The following SLC22A25 variants were observed in gnomAD, a reference collection of about 807,000 sequenced individuals.
SLC22A25 encodes the protein solute carrier family 22 member 25.
SLC22A25 carries 44 observed loss-of-function variants against 45.9 expected under a neutral mutation model. The ratio of observed to expected loss-of-function variants is 0.96; its 90% CI spans 0.75 to 1.23. The LOEUF is 1.23. Among genes scored for constraint, SLC22A25 ranks in the 50% most tolerant of loss-of-function variants. The pLI is 0.00. For synonymous variants in SLC22A25, 283 were observed against 238.6 expected, an observed-to-expected ratio of 1.19 and a Z score of -1.72; for missense variants, 800 against 666.4, an observed-to-expected ratio of 1.20 and a Z score of -2.21.
At chr11:63,236,992 T>C (rs888726152) in intron 3 of SLC22A25, among the ~76,000 whole-genome samples, 3 of 152,228 alleles carry the variant, frequency 2.0e-5, no homozygotes, top group African/African-American at 7.2e-5. Context: ...TATCTGTCTT[T>C]CAGTTCTCAT....
At chr11:63,188,078 T>C (rs919387718) in intron 7 of SLC22A25, among the ~76,000 whole-genome samples, 1 of 152,196 alleles carries the variant, frequency 6.6e-6, no homozygotes, top group African/African-American at 2.4e-5. Context: ...TTAGGGAGGA[T>C]TCCCTTTTCT....
chr11:63,210,640 T>A (rs2089532716), intron 7 of SLC22A25, among the ~76,000 whole-genome samples: 1 of 152,098 alleles, frequency 6.6e-6, no homozygotes, highest in African/African-American at 2.4e-5. Flanking sequence ...CTGGGCTCCA[T>A]ATTTTTAGGC....
chr11:63,193,614 C>G (rs568192552), intron 7 of SLC22A25, among the ~76,000 whole-genome samples: 3 of 152,130 alleles, frequency 2.0e-5, no homozygotes, highest in African/African-American at 7.2e-5. Flanking sequence ...GGAATAGCAC[C>G]AACATCAACA....
intron 7 of SLC22A25, among the ~76,000 whole-genome samples, chr11:63,189,692 C>T (rs1376341779): frequency 1.3e-5 from 2 of 152,258 alleles, no homozygotes; most frequent in African/African-American, 2.4e-5. Flanking sequence ...CCGGTTGTTC[C>T]TTTCCATGTT....
At chr11:63,213,334 A>C (rs1222557751) in intron 7 of SLC22A25, among the ~76,000 whole-genome samples, 1 of 152,210 alleles carries the variant, frequency 6.6e-6, no homozygotes, top group East Asian at 1.9e-4. Context: ...GATGTAAAAA[A>C]AGCCCTTCTT....
intron 5 of SLC22A25, among the ~76,000 whole-genome samples, chr11:63,224,326 T>C (rs1395181290): frequency 1.3e-5 from 2 of 152,158 alleles, no homozygotes; most frequent in African/African-American, 4.8e-5. Context: ...TATGTGTGTA[T>C]AGATAAGATG....
chr11:63,172,087 G>A (rs1459936774), intron 9 of SLC22A25, among the ~76,000 whole-genome samples: 2 of 152,110 alleles, frequency 1.3e-5, no homozygotes, highest in Non-Finnish European at 2.9e-5. Flanking sequence ...AAACTGGCTA[G>A]CCATATGCAG....
intron 7 of SLC22A25, among the ~76,000 whole-genome samples, chr11:63,191,618 C>A (rs1002362406): frequency 1.3e-5 from 2 of 152,150 alleles, no homozygotes; most frequent in Admixed American, 6.6e-5. Flanking sequence ...ATGCAGAAAT[C>A]TCCTGTCTTC....
At chr11:63,222,012 T>A (rs2089864146) in intron 5 of SLC22A25, among the ~76,000 whole-genome samples, 2 of 152,112 alleles carry the variant, frequency 1.3e-5, no homozygotes, top group African/African-American at 2.4e-5. Flanking sequence ...TGCCAGTACA[T>A]CTTGTTTTGG....
At chr11:63,237,354 T>G (rs778371438) in intron 3 of SLC22A25, among the ~76,000 whole-genome samples, 2 of 152,142 alleles carry the variant, frequency 1.3e-5, no homozygotes, top group Non-Finnish European at 2.9e-5. Context: ...AAGAGGTGAA[T>G]AGGTTCATGT....
intron 9 of SLC22A25, among the ~76,000 whole-genome samples, chr11:63,168,634 A>G (rs1460658893): frequency 6.6e-6 from 1 of 152,206 alleles, no homozygotes; most frequent in East Asian, 1.9e-4. Flanking sequence ...AATAAAAGGA[A>G]CAAACCAAGC....
intron 5 of SLC22A25, among the ~76,000 whole-genome samples, chr11:63,228,025 C>A (rs2089996188): frequency 6.6e-6 from 1 of 152,198 alleles, no homozygotes. Flanking sequence ...GTGTTGTCAG[C>A]AATTCAAGAC....
chr11:63,222,946 G>C (rs551903679), intron 5 of SLC22A25, among the ~76,000 whole-genome samples: 6 of 151,394 alleles, frequency 4.0e-5, no homozygotes, highest in Non-Finnish European at 8.8e-5. Context: ...TTTGTATTTT[G>C]AACCATCTTT....
intron 3 of SLC22A25, among the ~76,000 whole-genome samples, chr11:63,236,800 AC>A (rs1385980988): frequency 6.6e-6 from 1 of 151,722 alleles, no homozygotes; most frequent in African/African-American, 2.4e-5. Flanking sequence ...TCTTGGCTCC[AC>A]CCCCTTCTTC....
chr11:63,188,785 G>A (rs1184866042), intron 7 of SLC22A25, among the ~76,000 whole-genome samples: 2 of 152,094 alleles, frequency 1.3e-5, no homozygotes, highest in South Asian at 2.1e-4. Flanking sequence ...CTTTATTTCT[G>A]CCTTCGTTTT....
chr11:63,218,732 G>A (rs1465174641), intron 5 of SLC22A25, among the ~76,000 whole-genome samples: 1 of 152,076 alleles, frequency 6.6e-6, no homozygotes, highest in Non-Finnish European at 1.5e-5. Flanking sequence ...ATTTTCAGGG[G>A]AGGGTTAAAA....
At chr11:63,196,123 C>A (rs1307431635) in intron 7 of SLC22A25, among the ~76,000 whole-genome samples, 3 of 152,010 alleles carry the variant, frequency 2.0e-5, no homozygotes, top group East Asian at 1.9e-4. Context: ...AGCCCTCCAA[C>A]CAAAAAAAGT....
intron 8 of SLC22A25, among the ~76,000 whole-genome samples, chr11:63,182,314 T>G (rs373564740): frequency 4.5e-4 from 69 of 152,144 alleles, no homozygotes; most frequent in African/African-American, 1.6e-3. Flanking sequence ...TTTGTAACAC[T>G]TAATTGTTGT....
intron 7 of SLC22A25, among the ~76,000 whole-genome samples, chr11:63,212,896 A>C (rs2089613906): frequency 6.6e-6 from 1 of 152,148 alleles, no homozygotes; most frequent in Non-Finnish European, 1.5e-5. Context: ...TGCTATTACA[A>C]TACATTGATG....
Sources: allele counts gnomAD v4.1 joint callset (sites outside exome capture counted in the v4.1 genomes callset), GRCh38; gene constraint gnomAD v4.1.1; transcripts MANE v1.5; gene names NCBI Gene and HGNC (gene_info 2026-07-23, HGNC 2026-07-21).